The following SYT9 variants were observed in gnomAD, a reference collection of about 807,000 sequenced individuals.
SYT9 encodes the protein synaptotagmin 9.
In SYT9, 22 loss-of-function variants were observed where a neutral mutation model predicts 48.4. That is an observed-to-expected ratio of 0.45 (90% CI 0.32 to 0.65). SYT9 has a LOEUF of 0.65. Among genes scored for constraint, SYT9 ranks in the 30% least tolerant of loss-of-function variants. SYT9 has a pLI of 0.03. For synonymous variants in SYT9, 265 were observed against 245.0 expected, an observed-to-expected ratio of 1.08 and a Z score of -0.76; for missense variants, 577 against 622.0, an observed-to-expected ratio of 0.93 and a Z score of 0.77.
intron 6 of SYT9, among the ~76,000 whole-genome samples, chr11:7,449,179 A>G (rs538475269): frequency 1.4e-4 from 21 of 152,146 alleles, no homozygotes; most frequent in African/African-American, 4.3e-4. Context: ...CCCTGTCTCT[A>G]CTAAAAATAC....
intron 2 of SYT9, 32 bp downstream of exon 2, chr11:7,303,422 G>A (rs772273304): frequency 1.3e-6 from 2 of 1,547,478 alleles, no homozygotes; most frequent in African/African-American, 2.7e-5. Flanking sequence ...CTGAATGCAA[G>A]GAAGGACCAC....
At position 7,432,577 on chromosome 11, in the gene SYT9, AAAAAAATATATATACATATATATATATAT is replaced by A. The variant is rs1564902012; in HGVS notation, c.1467+11944_1467+11972del. Among the ~76,000 whole-genome samples, 74 of 9,160 alleles carry A rather than the reference AAAAAAATATATATACATATATATATATAT, an allele frequency of 8.1e-3. 1 individual carries two copies. Among genetic ancestry groups the A allele is most frequent in the East Asian group, 9.7e-3 (3 of 308 alleles). 6.0% of individuals were successfully genotyped at this position (9,160 alleles called of 152,430 possible). ...AAAAAAAAAAAAAAAAAAAAAAAAA[AAAAAAATATATATACATATATATATATAT>A]ATATATATATATATATATATATATA... is the stretch of plus-strand genomic sequence containing the variant. On this transcript the variant is annotated intron_variant, in intron 6 of 6. Transcript: ENST00000318881.
chr11:7,396,719 A>G (rs1057072258), intron 3 of SYT9, among the ~76,000 whole-genome samples: 3 of 152,136 alleles, frequency 2.0e-5, no homozygotes, highest in African/African-American at 7.2e-5. Flanking sequence ...TCCACATCCT[A>G]CACAACAATT....
chr11:7,305,805 A>G (rs902157241), intron 2 of SYT9, among the ~76,000 whole-genome samples: 14 of 152,182 alleles, frequency 9.2e-5, no homozygotes, highest in Admixed American at 8.5e-4. Context: ...CCAGTGCACG[A>G]AAGACACAGC....
rs148454232 is a variant in SYT9, at chr11:7,303,232, G to C, written c.339G>C (p.Glu113Asp). Residue 113 changes from glutamate to aspartate, a missense_variant, in exon 2 of 7, where the codon GAG (glutamate) becomes GAC (aspartate). Glu to Asp is a conservative substitution (Grantham distance 45). Transcript: ENST00000318881. ...DTETNEQENS[E>D]DFLDPPTPCP... ...AGACCAATGAGCAGGAGAACAGTGA[G>C]GACTTCCTAGATCCTCCCACGCCCT... is the stretch of plus-strand genomic sequence containing the variant. 1.2e-6 allele frequency: 2 copies of C among 1,614,010 alleles called. No individual in the cohort carries two copies. Among genetic ancestry groups the C allele is most frequent in the Non-Finnish European group, 1.7e-6 (2 of 1,180,034 alleles).
At chr11:7,247,421 G>A (rs1554895329), upstream of SYT9, among the ~76,000 whole-genome samples, 1 of 151,194 alleles carries the variant, frequency 6.6e-6, no homozygotes, top group Non-Finnish European at 1.5e-5. Context: ...CACTATGAAT[G>A]CCGTTAATTC....
intron 3 of SYT9, among the ~76,000 whole-genome samples, chr11:7,414,315 G>A (rs1847197363): frequency 1.3e-5 from 2 of 152,216 alleles, no homozygotes; most frequent in South Asian, 4.1e-4. Flanking sequence ...AGAGCTAGGT[G>A]CCGTGAAAAG....
intron 2 of SYT9, among the ~76,000 whole-genome samples, chr11:7,309,493 G>T (rs1849091021): frequency 1.3e-5 from 2 of 152,108 alleles, no homozygotes; most frequent in Admixed American, 1.3e-4. Flanking sequence ...TCAGTCAGTG[G>T]CTTTGAAATT....
intron 3 of SYT9, among the ~76,000 whole-genome samples, chr11:7,366,444 C>G (rs2134022854): frequency 6.6e-6 from 1 of 152,208 alleles, no homozygotes; most frequent in Middle Eastern, 3.4e-3. Flanking sequence ...ATGTTTTTCT[C>G]TTAATAAAAC....
At chr11:7,464,496 TCTCTA>T (rs1448675265) in intron 6 of SYT9, among the ~76,000 whole-genome samples, 1 of 152,182 alleles carries the variant, frequency 6.6e-6, no homozygotes. Flanking sequence ...CAAATTAGTG[TCTCTA>T]CAACGCTGCA....
At chr11:7,283,082 C>A (rs974264146) in intron 1 of SYT9, among the ~76,000 whole-genome samples, 2 of 150,176 alleles carry the variant, frequency 1.3e-5, no homozygotes, top group African/African-American at 4.9e-5. Context: ...ATAATTCCCA[C>A]TATTCTGTAA....
intron 1 of SYT9, among the ~76,000 whole-genome samples, chr11:7,283,366 A>G (rs990953508): frequency 6.6e-6 from 1 of 152,100 alleles, no homozygotes; most frequent in Non-Finnish European, 1.5e-5. Context: ...GTAAAAACCT[A>G]GAAGGATTTT....
At chr11:7,401,207 G>C (rs979383270) in intron 3 of SYT9, among the ~76,000 whole-genome samples, 4 of 151,336 alleles carry the variant, frequency 2.6e-5, no homozygotes, top group Non-Finnish European at 4.4e-5. Context: ...ACTTTTTTTT[G>C]TAAAATTACC....
chr11:7,387,101 G>A (rs1009751182), intron 3 of SYT9, among the ~76,000 whole-genome samples: 6 of 152,094 alleles, frequency 3.9e-5, no homozygotes, highest in Admixed American at 2.0e-4. Flanking sequence ...TGAACAATGA[G>A]AACACATGGA....
At chr11:7,253,882 CA>C (rs1471300983) in intron 1 of SYT9, among the ~76,000 whole-genome samples, 5 of 152,148 alleles carry the variant, frequency 3.3e-5, no homozygotes, top group Non-Finnish European at 5.9e-5. Context: ...ATGCTTTGCC[CA>C]AAGCAAGTAT....
chr11:7,316,068 G>T (rs4575247), intron 3 of SYT9, among the ~76,000 whole-genome samples: 77,156 of 136,870 alleles, frequency 0.56, 20,668 homozygotes, highest in Non-Finnish European at 0.62. Flanking sequence ...GGGTTGTGGG[G>T]TTTTTTTTTG....
chr11:7,395,321 T>A (rs571866929), intron 3 of SYT9, among the ~76,000 whole-genome samples: 12 of 152,298 alleles, frequency 7.9e-5, no homozygotes, highest in African/African-American at 2.9e-4. Context: ...GTACATTCTA[T>A]GATTGTTGAG....
intron 1 of SYT9, among the ~76,000 whole-genome samples, chr11:7,286,328 C>T (rs112907647): frequency 0.076 from 11,583 of 152,328 alleles, 598 homozygotes; most frequent in African/African-American, 0.14. Context: ...ATGTCCTGAG[C>T]TATACCTTGG....
At chr11:7,288,008 A>G (rs1299241087) in intron 1 of SYT9, among the ~76,000 whole-genome samples, 1 of 152,168 alleles carries the variant, frequency 6.6e-6, no homozygotes, top group Non-Finnish European at 1.5e-5. Context: ...ATGTGTTCCC[A>G]GTAGAGAGAA....
Sources: allele counts gnomAD v4.1 joint callset (sites outside exome capture counted in the v4.1 genomes callset), GRCh38; gene constraint gnomAD v4.1.1; transcripts MANE v1.5; gene names NCBI Gene and HGNC (gene_info 2026-07-23, HGNC 2026-07-21).